Variants in LRRC69 observed in about 807,000 individuals in gnomAD.
The protein encoded by LRRC69 is leucine-rich repeat-containing protein 69.
LRRC69 carries 42 observed loss-of-function variants against 37.8 expected under a neutral mutation model. The ratio of observed to expected loss-of-function variants is 1.11; its 90% CI spans 0.87 to 1.44. The LOEUF is 1.44. Ranked by LOEUF, LRRC69 falls within the 40% of genes most tolerant of loss-of-function variation. LRRC69 has a pLI of 0.00. For missense variants in LRRC69, 357 were observed against 401.9 expected (o/e 0.89, Z 0.96); for synonymous variants, 141 against 143.1 (o/e 0.99, Z 0.11).
At chr8:91,194,777 A>T (rs1438155211) in intron 6 of LRRC69, among the ~76,000 whole-genome samples, 1 of 151,502 alleles carries the variant, frequency 6.6e-6, no homozygotes, top group Non-Finnish European at 1.5e-5. Flanking sequence ...TATTTTGTTG[A>T]TCCTTTCAAA....
chr8:91,172,748 C>T (rs774845811), intron 5 of LRRC69, among the ~76,000 whole-genome samples: 2 of 151,818 alleles, frequency 1.3e-5, no homozygotes, highest in East Asian at 1.9e-4. Context: ...TTCCTGACCT[C>T]GTGATCAGCC....
intron 5 of LRRC69, among the ~76,000 whole-genome samples, chr8:91,185,488 T>G (rs1322182640): frequency 6.6e-6 from 1 of 152,210 alleles, no homozygotes; most frequent in African/African-American, 2.4e-5. Flanking sequence ...ATTCAGCAGA[T>G]ACTGAAGGAT....
intron 6 of LRRC69, among the ~76,000 whole-genome samples, chr8:91,197,385 C>T (rs1308655068): frequency 6.6e-6 from 1 of 152,196 alleles, no homozygotes; most frequent in Non-Finnish European, 1.5e-5. Context: ...TCGAGCTTCC[C>T]CGGCTGCTTT....
intron 5 of LRRC69, chr8:91,158,424 A>C (rs758814935): frequency 1.6e-5 from 22 of 1,377,910 alleles, no homozygotes; most frequent in Non-Finnish European, 1.9e-5. Context: ...GATGATGAGG[A>C]ATTCATAGAA....
At chr8:91,103,656 T>G (rs1813259638) in intron 1 of LRRC69, among the ~76,000 whole-genome samples, 1 of 152,102 alleles carries the variant, frequency 6.6e-6, no homozygotes, top group South Asian at 2.1e-4. Flanking sequence ...AATCTGTATT[T>G]TCTTACTTTC....
intron 1 of LRRC69, among the ~76,000 whole-genome samples, chr8:91,118,860 T>C (rs776938850): frequency 1.3e-5 from 2 of 152,116 alleles, no homozygotes; most frequent in Non-Finnish European, 2.9e-5. Flanking sequence ...AGTTCTTTGT[T>C]AGTAAAACAC....
At chr8:91,176,872 A>G (rs1809240775) in intron 5 of LRRC69, among the ~76,000 whole-genome samples, 1 of 151,582 alleles carries the variant, frequency 6.6e-6, no homozygotes, top group African/African-American at 2.4e-5. Context: ...AGGCACACCA[A>G]GAAATAATGT....
chr8:91,110,404 T>A (rs1813389190), intron 1 of LRRC69, among the ~76,000 whole-genome samples: 1 of 152,000 alleles, frequency 6.6e-6, no homozygotes, highest in Non-Finnish European at 1.5e-5. Context: ...TTTGGGAGGC[T>A]GAGGTGGTGG....
At chr8:91,112,053 G>T (rs1813417772) in intron 1 of LRRC69, among the ~76,000 whole-genome samples, 1 of 151,912 alleles carries the variant, frequency 6.6e-6, no homozygotes. Flanking sequence ...TATAATTATT[G>T]GAGAACCAAG....
chr8:91,155,488 CA>C (rs2130554958), intron 5 of LRRC69, among the ~76,000 whole-genome samples: 1 of 150,964 alleles, frequency 6.6e-6, no homozygotes, highest in African/African-American at 2.4e-5. Flanking sequence ...AAACATTCAA[CA>C]ACCTATCTAT....
At chr8:91,210,464 T>G (rs1485571990) in intron 7 of LRRC69, among the ~76,000 whole-genome samples, 1 of 152,076 alleles carries the variant, frequency 6.6e-6, no homozygotes, top group Non-Finnish European at 1.5e-5. Flanking sequence ...GCTTTCCTTC[T>G]GTTGACTTGC....
At chr8:91,122,835 C>T (rs1175048466) in intron 1 of LRRC69, among the ~76,000 whole-genome samples, 2 of 151,928 alleles carry the variant, frequency 1.3e-5, no homozygotes, top group African/African-American at 4.8e-5. Context: ...CCCAAAGATG[C>T]CCACACCTAA....
At chr8:91,166,508 A>AAT (rs1809032625) in intron 5 of LRRC69, among the ~76,000 whole-genome samples, 1 of 151,106 alleles carries the variant, frequency 6.6e-6, no homozygotes, top group African/African-American at 2.4e-5. Context: ...AAAAAAAAAA[A>AAT]AAAAAAAACC....
intron 1 of LRRC69, among the ~76,000 whole-genome samples, chr8:91,104,750 C>T (rs1813278950): frequency 6.6e-6 from 1 of 151,970 alleles, no homozygotes; most frequent in Non-Finnish European, 1.5e-5. Flanking sequence ...TCTTGGCTTG[C>T]TCTCTTAGTT....
At chr8:91,159,602 T>C (rs1020779191) in intron 5 of LRRC69, among the ~76,000 whole-genome samples, 1 of 151,142 alleles carries the variant, frequency 6.6e-6, no homozygotes, top group Non-Finnish European at 1.5e-5. Flanking sequence ...AGGCTTTGGC[T>C]GAAAAAAACA....
At chr8:91,156,932 T>C (rs1808845887) in intron 5 of LRRC69, among the ~76,000 whole-genome samples, 1 of 151,294 alleles carries the variant, frequency 6.6e-6, no homozygotes, top group Admixed American at 6.6e-5. Flanking sequence ...ACTGTAAATA[T>C]ATGGATTTAT....
At chr8:91,216,192 A>G (rs892578522) in intron 7 of LRRC69, among the ~76,000 whole-genome samples, 3 of 152,186 alleles carry the variant, frequency 2.0e-5, no homozygotes, top group African/African-American at 7.2e-5. Context: ...TAAAAATCTC[A>G]CCAAAATATT....
intron 7 of LRRC69, among the ~76,000 whole-genome samples, chr8:91,205,874 A>G (rs1449095203): frequency 6.6e-6 from 1 of 152,218 alleles, no homozygotes; most frequent in Non-Finnish European, 1.5e-5. Context: ...AATAAGAAAC[A>G]GTGATTTAAG....
intron 5 of LRRC69, among the ~76,000 whole-genome samples, chr8:91,160,543 G>A (rs145456672): frequency 3.3e-5 from 5 of 151,126 alleles, no homozygotes; most frequent in Non-Finnish European, 7.4e-5. Flanking sequence ...ACCCCCTACT[G>A]TTCTTGTGAT....
Sources: allele counts gnomAD v4.1 joint callset (sites outside exome capture counted in the v4.1 genomes callset), GRCh38; gene constraint gnomAD v4.1.1; transcripts MANE v1.5; gene names NCBI Gene and HGNC (gene_info 2026-07-23, HGNC 2026-07-21).